PCOLCE2: variants seen among roughly 807,000 people sequenced by gnomAD.
PCOLCE2 encodes procollagen C-endopeptidase enhancer 2, also known as procollagen C-proteinase enhancer 2.
A neutral mutation model predicts 47.0 loss-of-function variants in PCOLCE2; 42 were observed. That is an observed-to-expected ratio of 0.89 (90% CI 0.70 to 1.16). The LOEUF is 1.16. Ranked by LOEUF, PCOLCE2 falls within the 50% of genes most tolerant of loss-of-function variation. The pLI is 0.00. For synonymous variants in PCOLCE2, 169 were observed against 191.7 expected, an observed-to-expected ratio of 0.88 and a Z score of 0.98; for missense variants, 500 against 526.1, an observed-to-expected ratio of 0.95 and a Z score of 0.49.
chr3:142,856,959 C>A (rs1358479500), intron 2 of PCOLCE2, among the ~76,000 whole-genome samples: 1 of 151,000 alleles, frequency 6.6e-6, no homozygotes, highest in African/African-American at 2.4e-5. Flanking sequence ...AAAAGCATTA[C>A]CAAATAATAA....
At chr3:142,868,302 C>T (rs934124952) in intron 2 of PCOLCE2, among the ~76,000 whole-genome samples, 1 of 152,012 alleles carries the variant, frequency 6.6e-6, no homozygotes, top group Non-Finnish European at 1.5e-5. Context: ...AATTCTAAGC[C>T]CCCCAACCAA....
In PCOLCE2 at chr3:142,830,403, A is replaced by G. The variant is rs1277013393; in HGVS notation, c.711-557T>C. ...AAGATGCAGCCAGAGGGATTATCTC[A>G]GTGGACTGATTATCTTTTCTATCCA... is the stretch of plus-strand genomic sequence containing the variant. On this transcript the variant is annotated intron_variant, in intron 5 of 8. Transcript: ENST00000295992. Among the ~76,000 whole-genome samples the G allele has an allele frequency of 3.9e-5, 6 of 152,354 alleles. No homozygotes were observed. The South Asian group carries it at 1.2e-3, about 32-fold the overall frequency.
chr3:142,818,325 C>A lies in PCOLCE2; in HGVS notation c.*10G>T. 1 of 1,612,338 alleles carries A rather than the reference C, an allele frequency of 6.2e-7. No individual in the cohort carries two copies. Among genetic ancestry groups the A allele is most frequent in the Non-Finnish European group, 8.5e-7 (1 of 1,178,632 alleles). ...TGGCAGAATACAGCTTAAATGGACACAGTTCACTGTTAACATTGCTTATTT... is the reference window on the plus strand; with the variant it reads ...TGGCAGAATACAGCTTAAATGGACAAAGTTCACTGTTAACATTGCTTATTT... On this transcript the variant is annotated 3_prime_UTR_variant, in exon 9 of 9. Coordinates refer to ENST00000295992, the MANE Select transcript of PCOLCE2 (RefSeq NM_013363.4).
intron 2 of PCOLCE2, among the ~76,000 whole-genome samples, chr3:142,865,038 A>G (rs1933254684): frequency 6.6e-6 from 1 of 152,140 alleles, no homozygotes; most frequent in Non-Finnish European, 1.5e-5. Flanking sequence ...TCATATGGTA[A>G]ATGTTTAACT....
In PCOLCE2 at chr3:142,848,356, A is replaced by G. The variant is rs1176210025; in HGVS notation, c.309T>C (p.Ile103=). ...VYNGHANGQR[I]GRFCGTFRPG... ...GCCGGAAAGTGCCACAGAAGCGGCC[A>G]ATGCGCTGGCCATTGGCATGGCCAT... Residue 103 remains isoleucine, a synonymous_variant, in exon 3 of 9, where the codon ATT becomes ATC. Transcript: ENST00000295992. 6.2e-7 allele frequency: 1 copy of G among 1,614,240 alleles called. No individual in the cohort carries two copies. Among genetic ancestry groups the G allele is most frequent in the African/African-American group, 1.3e-5 (1 of 75,074 alleles).
intron 5 of PCOLCE2, among the ~76,000 whole-genome samples, chr3:142,838,521 C>T (rs1937229587): frequency 6.6e-6 from 1 of 152,138 alleles, no homozygotes; most frequent in Admixed American, 6.5e-5. Context: ...TGAGTCCTCC[C>T]CAGAAGCAGA....
chr3:142,855,040 G>A (rs1016993877), intron 2 of PCOLCE2, among the ~76,000 whole-genome samples: 1 of 152,146 alleles, frequency 6.6e-6, no homozygotes, highest in African/African-American at 2.4e-5. Flanking sequence ...AAGGGCCTTT[G>A]CACAGCCTGG....
At chr3:142,829,205 T>C (rs544904347) in intron 6 of PCOLCE2, among the ~76,000 whole-genome samples, 1 of 150,142 alleles carries the variant, frequency 6.7e-6, no homozygotes, top group Non-Finnish European at 1.5e-5. Flanking sequence ...TTGAATATTG[T>C]TGTTTAATTT....
At chr3:142,844,187 T>C (rs944154738) in intron 3 of PCOLCE2, among the ~76,000 whole-genome samples, 2 of 152,194 alleles carry the variant, frequency 1.3e-5, no homozygotes, top group African/African-American at 2.4e-5. Flanking sequence ...TATGATGATA[T>C]AGAATCCATT....
chr3:142,860,428 G>T (rs1250577975), intron 2 of PCOLCE2, among the ~76,000 whole-genome samples: 2 of 136,656 alleles, frequency 1.5e-5, no homozygotes, highest in South Asian at 2.1e-4. Flanking sequence ...TTGCCTTTTT[G>T]TTGTTGTTGT....
intron 2 of PCOLCE2, among the ~76,000 whole-genome samples, chr3:142,871,434 T>G (rs1424292409): frequency 6.6e-6 from 1 of 152,234 alleles, no homozygotes; most frequent in Non-Finnish European, 1.5e-5. Context: ...CTGTGGCTCT[T>G]AGATGGTTTC....
intron 2 of PCOLCE2, among the ~76,000 whole-genome samples, chr3:142,880,052 C>CA (rs200703960): frequency 5.4e-5 from 8 of 148,850 alleles, no homozygotes; most frequent in Admixed American, 6.7e-5. Flanking sequence ...CCCACCCCCC[C>CA]AAAAAAAACC....
intron 4 of PCOLCE2, among the ~76,000 whole-genome samples, chr3:142,840,702 G>A (rs1937254765): frequency 6.6e-6 from 1 of 152,076 alleles, no homozygotes; most frequent in South Asian, 2.1e-4. Context: ...TTCCTCTTTG[G>A]GTCCAGTGAC....
chr3:142,878,280 A>G (rs1933539431), intron 2 of PCOLCE2, among the ~76,000 whole-genome samples: 1 of 152,086 alleles, frequency 6.6e-6, no homozygotes, highest in African/African-American at 2.4e-5. Flanking sequence ...TGGGTGTTCC[A>G]TTTATTTCGG....
chr3:142,820,805 T>TA, intron 8 of PCOLCE2, 73 bp downstream of exon 8: 1 of 1,327,922 alleles, frequency 7.5e-7, no homozygotes, highest in Non-Finnish European at 1.0e-6. Flanking sequence ...GCCCTGATTT[T>TA]ACTTCCCTAG....
intron 6 of PCOLCE2, chr3:142,827,212 G>A (rs112139586): frequency 0.011 from 13,892 of 1,252,532 alleles, 123 homozygotes; most frequent in Non-Finnish European, 0.013. Flanking sequence ...AGGGGATGCC[G>A]ATGTGCTGGT....
intron 2 of PCOLCE2, among the ~76,000 whole-genome samples, chr3:142,858,206 C>A (rs2108202315): frequency 6.6e-6 from 1 of 152,324 alleles, no homozygotes; most frequent in African/African-American, 2.4e-5. Context: ...CCACAGGTCT[C>A]ACAGGTGTCT....
At chr3:142,860,878 C>A (rs939302703) in intron 2 of PCOLCE2, among the ~76,000 whole-genome samples, 12 of 152,336 alleles carry the variant, frequency 7.9e-5, no homozygotes, top group African/African-American at 2.9e-4. Flanking sequence ...ACTGGTCACT[C>A]TCAAGGCCTG....
chr3:142,828,339 T>C (rs1391395157), intron 6 of PCOLCE2, among the ~76,000 whole-genome samples: 3 of 152,206 alleles, frequency 2.0e-5, no homozygotes, highest in Non-Finnish European at 2.9e-5. Context: ...TAGTCACTAG[T>C]CACATGAAGC....
Sources: gnomAD v4.1 joint callset for allele counts (sites outside exome capture counted in the v4.1 genomes callset) on GRCh38, gnomAD v4.1.1 for gene constraint, MANE v1.5 for transcripts, NCBI Gene and HGNC (gene_info 2026-07-23, HGNC 2026-07-21) for gene names.